The following SHC3 variants were observed in gnomAD, a reference collection of about 807,000 sequenced individuals.
The protein encoded by SHC3 is SHC adaptor protein 3.
SHC3 carries 15 observed loss-of-function variants against 60.4 expected under a neutral mutation model. The observed-to-expected ratio is 0.25, with a 90% confidence interval of 0.17 to 0.38. SHC3 has a LOEUF of 0.38. SHC3 is among the 10% of genes least tolerant of loss of function. The pLI, the probability that SHC3 is intolerant of heterozygous loss-of-function variation, is 1.00. For synonymous variants in SHC3, 294 were observed against 325.9 expected (o/e 0.90, Z 1.05); for missense variants, 677 against 786.1 (o/e 0.86, Z 1.66).
intron 1 of SHC3, among the ~76,000 whole-genome samples, chr9:89,116,478 G>C (rs11137518): frequency 0.066 from 10,089 of 152,190 alleles, 462 homozygotes; most frequent in Middle Eastern, 0.12. Context: ...ATGCCACAGA[G>C]TTGTGTGGAT....
chr9:89,033,007 C>A (rs1277277682), intron 11 of SHC3, among the ~76,000 whole-genome samples: 1 of 147,448 alleles, frequency 6.8e-6, no homozygotes, highest in Non-Finnish European at 1.5e-5. Flanking sequence ...AAATTAGATC[C>A]AACAAAAAAG....
intron 6 of SHC3, among the ~76,000 whole-genome samples, chr9:89,062,028 G>T (rs1455281199): frequency 1.3e-5 from 2 of 152,180 alleles, no homozygotes; most frequent in Non-Finnish European, 2.9e-5. Context: ...GTACCAGAGG[G>T]CGCCTGATCA....
chr9:89,065,458 G>A (rs1159102927), intron 6 of SHC3, 71 bp downstream of exon 6: 3 of 1,497,566 alleles, frequency 2.0e-6, no homozygotes, highest in Non-Finnish European at 2.8e-6. Context: ...AGATAACGAG[G>A]ACCAGCTTGT....
chr9:89,166,648 C>T (rs921372854), intron 1 of SHC3, among the ~76,000 whole-genome samples: 1 of 152,054 alleles, frequency 6.6e-6, no homozygotes, highest in Non-Finnish European at 1.5e-5. Flanking sequence ...TGAACCTTTT[C>T]CAGATCACTA....
intron 6 of SHC3, among the ~76,000 whole-genome samples, chr9:89,052,714 A>G (rs1361383824): frequency 3.9e-5 from 6 of 152,264 alleles, no homozygotes; most frequent in Non-Finnish European, 8.8e-5. Flanking sequence ...ACCTTTGAAG[A>G]TGAATATAAA....
chr9:89,024,672 G>C (rs1042588649), intron 11 of SHC3, among the ~76,000 whole-genome samples: 1 of 152,220 alleles, frequency 6.6e-6, no homozygotes, highest in Non-Finnish European at 1.5e-5. Context: ...TGGCATCAAG[G>C]ACATGCTGGG....
intron 1 of SHC3, among the ~76,000 whole-genome samples, chr9:89,113,527 T>G (rs1825980300): frequency 6.6e-6 from 1 of 152,152 alleles, no homozygotes; most frequent in Non-Finnish European, 1.5e-5. Flanking sequence ...TTGAATTATT[T>G]AGAAAATGTG....
intron 1 of SHC3, among the ~76,000 whole-genome samples, chr9:89,119,252 C>T (rs950948211): frequency 6.6e-6 from 1 of 151,636 alleles, no homozygotes; most frequent in African/African-American, 2.4e-5. Flanking sequence ...ATAGCCCAGC[C>T]AATAAAAAGA....
At chr9:89,056,431 G>T (rs1179255162) in intron 6 of SHC3, among the ~76,000 whole-genome samples, 26 of 152,072 alleles carry the variant, frequency 1.7e-4, no homozygotes, top group Non-Finnish European at 8.8e-5. Context: ...TAGAGATAGG[G>T]TTTCACCATG....
At chr9:89,161,308 G>C (rs944121222) in intron 1 of SHC3, among the ~76,000 whole-genome samples, 1 of 152,024 alleles carries the variant, frequency 6.6e-6, no homozygotes, top group African/African-American at 2.4e-5. Flanking sequence ...AAGTGTAGGC[G>C]CCCTCCTTCT....
At chr9:89,128,778 T>C (rs1041240333) in intron 1 of SHC3, among the ~76,000 whole-genome samples, 6 of 152,094 alleles carry the variant, frequency 3.9e-5, no homozygotes, top group African/African-American at 1.4e-4. Context: ...CAAAGGTAGA[T>C]AAAACTACAA....
intron 2 of SHC3, among the ~76,000 whole-genome samples, chr9:89,102,834 T>C (rs1186737783): frequency 6.6e-6 from 1 of 152,224 alleles, no homozygotes; most frequent in East Asian, 1.9e-4. Context: ...TTACTGTCTT[T>C]AGAAGTAGAT....
At chr9:89,148,622 C>T (rs1826503871) in intron 1 of SHC3, among the ~76,000 whole-genome samples, 2 of 152,198 alleles carry the variant, frequency 1.3e-5, no homozygotes, top group African/African-American at 4.8e-5. Context: ...AACTGAATCA[C>T]AGGTTATATA....
intron 11 of SHC3, among the ~76,000 whole-genome samples, chr9:89,035,848 TA>T: frequency 2.1e-5 from 2 of 95,616 alleles, no homozygotes; most frequent in African/African-American, 9.7e-5. Context: ...TATATATATA[TA>T]GATGTGTGTG....
chr9:89,174,543 C>G (rs1164774591), intron 1 of SHC3, among the ~76,000 whole-genome samples: 1 of 152,232 alleles, frequency 6.6e-6, no homozygotes, highest in African/African-American at 2.4e-5. Context: ...TGGAATAGCT[C>G]TGAGCAGTGG....
intron 6 of SHC3, among the ~76,000 whole-genome samples, chr9:89,063,408 G>A (rs970207284): frequency 1.7e-4 from 26 of 152,328 alleles, no homozygotes; most frequent in African/African-American, 5.3e-4. Flanking sequence ...GATTACAGGC[G>A]TGAGCCACCA....
In SHC3 at chr9:89,047,339, C is replaced by A. The variant is rs147466590; in HGVS notation, c.963-345G>T. On this transcript the variant is annotated intron_variant, in intron 7 of 11. Coordinates refer to ENST00000375835, the MANE Select transcript of SHC3 (RefSeq NM_016848.6). The stretch of plus-strand genomic sequence containing the variant: ...AATTGATCCCAAACAAAACCAACTA[C>A]AAAATGGAAATTTAGTGATATGAGG... Among the ~76,000 whole-genome samples the A allele has an allele frequency of 1.8e-3, 277 of 152,246 alleles. 1 individual carries two copies. The highest frequency in any genetic ancestry group is 0.013 in the Admixed American group (194 of 15,294).
intron 1 of SHC3, among the ~76,000 whole-genome samples, chr9:89,118,261 C>A (rs1826045320): frequency 7.0e-6 from 1 of 143,780 alleles, no homozygotes; most frequent in African/African-American, 2.6e-5. Flanking sequence ...AATCTATTGA[C>A]TTAGGGTAAA....
At chr9:89,155,314 G>A (rs1339820982) in intron 1 of SHC3, among the ~76,000 whole-genome samples, 1 of 152,078 alleles carries the variant, frequency 6.6e-6, no homozygotes, top group Admixed American at 6.5e-5. Flanking sequence ...TTAATTCCCG[G>A]AGCCGGCTTC....
Sources: allele counts gnomAD v4.1 joint callset (sites outside exome capture counted in the v4.1 genomes callset), GRCh38; gene constraint gnomAD v4.1.1; transcripts MANE v1.5; gene names NCBI Gene and HGNC (gene_info 2026-07-23, HGNC 2026-07-21).